HS6ST3: variants seen among roughly 807,000 people sequenced by gnomAD.
The protein encoded by HS6ST3 is heparan-sulfate 6-O-sulfotransferase 3.
A neutral mutation model predicts 36.7 loss-of-function variants in HS6ST3; 12 were observed. The observed-to-expected ratio is 0.33, with a 90% CI of 0.21 to 0.53. The LOEUF (loss-of-function observed/expected upper bound fraction) is 0.53, where lower values mean the gene tolerates loss of function less well. HS6ST3 is among the 20% of genes least tolerant of loss of function. The pLI is 0.95. For synonymous variants in HS6ST3, 240 were observed against 257.5 expected, an observed-to-expected ratio of 0.93 and a Z score of 0.65; for missense variants, 584 against 640.9, an observed-to-expected ratio of 0.91 and a Z score of 0.96.
intron 1 of HS6ST3, among the ~76,000 whole-genome samples, chr13:96,240,689 A>T (rs1355533650): frequency 6.6e-6 from 1 of 152,214 alleles, no homozygotes; most frequent in East Asian, 1.9e-4. Flanking sequence ...CTAAGAAGAC[A>T]TTGGCAGTGC....
Position 96,755,021 on chromosome 13 carries a change from G to A in HS6ST3, c.708-77469G>A, listed in dbSNP as rs547012839. On this transcript the variant is annotated intron_variant, in intron 1 of 1. Transcript: ENST00000376705. ...TAATTTTTTTTTAAATTACACTAAT[G>A]TTAGGACTGTGAGATGCACAGATCT... Among the ~76,000 whole-genome samples, 5 of 151,708 alleles carry A rather than the reference G, an allele frequency of 3.3e-5. No homozygotes were observed. The East Asian group carries it at 7.8e-4, about 24-fold the overall frequency.
intron 1 of HS6ST3, among the ~76,000 whole-genome samples, chr13:96,508,452 G>A (rs570892651): frequency 9.2e-5 from 14 of 152,040 alleles, no homozygotes; most frequent in East Asian, 3.9e-4. Flanking sequence ...GGTGAATTCC[G>A]AAATTTTAGG....
intron 1 of HS6ST3, among the ~76,000 whole-genome samples, chr13:96,340,133 T>A (rs1288863099): frequency 1.3e-5 from 2 of 152,220 alleles, no homozygotes; most frequent in Non-Finnish European, 2.9e-5. Context: ...TTGGAAATAG[T>A]TTATCTTTTA....
chr13:96,551,301 A>T (rs1312779048), intron 1 of HS6ST3, among the ~76,000 whole-genome samples: 1 of 152,174 alleles, frequency 6.6e-6, no homozygotes, highest in Non-Finnish European at 1.5e-5. Flanking sequence ...CAGTGCTTGG[A>T]TGTCCTTCTA....
intron 1 of HS6ST3, among the ~76,000 whole-genome samples, chr13:96,366,758 C>A (rs2055265062): frequency 6.6e-6 from 1 of 152,112 alleles, no homozygotes; most frequent in Admixed American, 6.5e-5. Context: ...TTGGCTGTGT[C>A]CCCACCCAAA....
At chr13:96,500,870 G>C (rs987447293) in intron 1 of HS6ST3, among the ~76,000 whole-genome samples, 4 of 152,146 alleles carry the variant, frequency 2.6e-5, no homozygotes, top group Admixed American at 1.3e-4. Flanking sequence ...ACTGTAGTTG[G>C]CTTGCAAAGA....
intron 1 of HS6ST3, among the ~76,000 whole-genome samples, chr13:96,658,586 T>TATC (rs2056635418): frequency 6.6e-6 from 1 of 151,756 alleles, no homozygotes; most frequent in Admixed American, 6.6e-5. Flanking sequence ...CCTGGCCGTA[T>TATC]CTTTCTTCTA....
chr13:96,697,821 G>T (rs1875171981), intron 1 of HS6ST3, among the ~76,000 whole-genome samples: 1 of 152,020 alleles, frequency 6.6e-6, no homozygotes, highest in South Asian at 2.1e-4. Context: ...GCTCAATTAG[G>T]CCTTCAAGAT....
At chr13:96,105,787 A>G (rs1278548159) in intron 1 of HS6ST3, among the ~76,000 whole-genome samples, 1 of 152,266 alleles carries the variant, frequency 6.6e-6, no homozygotes, top group African/African-American at 2.4e-5. Flanking sequence ...GCTTGTACAT[A>G]GCCCAATACC....
At chr13:96,354,978 C>T (rs1385813879) in intron 1 of HS6ST3, among the ~76,000 whole-genome samples, 1 of 152,086 alleles carries the variant, frequency 6.6e-6, no homozygotes, top group Non-Finnish European at 1.5e-5. Context: ...AAATGAAATT[C>T]CATTGAATAT....
chr13:96,239,682 G>A (rs1429967786), intron 1 of HS6ST3, among the ~76,000 whole-genome samples: 2 of 152,186 alleles, frequency 1.3e-5, no homozygotes, highest in Non-Finnish European at 2.9e-5. Flanking sequence ...CACACAAAGA[G>A]TTTATATATA....
At chr13:96,674,122 A>G (rs2138433096) in intron 1 of HS6ST3, among the ~76,000 whole-genome samples, 1 of 152,248 alleles carries the variant, frequency 6.6e-6, no homozygotes, top group African/African-American at 2.4e-5. Context: ...TGACTGGATC[A>G]TGGGTGTGGC....
At chr13:96,349,123 T>C (rs375757751) in intron 1 of HS6ST3, among the ~76,000 whole-genome samples, 2 of 152,356 alleles carry the variant, frequency 1.3e-5, no homozygotes, top group South Asian at 2.1e-4. Context: ...TACAATCCAA[T>C]GTTTGACTCT....
At chr13:96,438,025 T>A (rs2055651660) in intron 1 of HS6ST3, among the ~76,000 whole-genome samples, 1 of 152,198 alleles carries the variant, frequency 6.6e-6, no homozygotes, top group Admixed American at 6.5e-5. Context: ...GTGAACTCGC[T>A]GGGGGACATT....
intron 1 of HS6ST3, among the ~76,000 whole-genome samples, chr13:96,829,773 T>A (rs1878734167): frequency 6.6e-6 from 1 of 152,226 alleles, no homozygotes; most frequent in Admixed American, 6.5e-5. Context: ...TGATTCCATG[T>A]CTTTGCTATC....
intron 1 of HS6ST3, among the ~76,000 whole-genome samples, chr13:96,484,801 A>G (rs758227876): frequency 1.3e-5 from 2 of 152,218 alleles, no homozygotes; most frequent in Non-Finnish European, 2.9e-5. Context: ...TAATGCTGCA[A>G]TGAACATGGG....
chr13:96,600,912 C>T (rs1724560436), intron 1 of HS6ST3, among the ~76,000 whole-genome samples: 1 of 151,912 alleles, frequency 6.6e-6, no homozygotes, highest in African/African-American at 2.4e-5. Flanking sequence ...TTTGTTTCTC[C>T]TTCATTTGTG....
At chr13:96,280,796 T>C (rs1478274411) in intron 1 of HS6ST3, among the ~76,000 whole-genome samples, 1 of 152,130 alleles carries the variant, frequency 6.6e-6, no homozygotes, top group Non-Finnish European at 1.5e-5. Context: ...CAACAGTTAA[T>C]ATTGCAACAG....
chr13:96,254,224 G>A (rs892994511), intron 1 of HS6ST3, among the ~76,000 whole-genome samples: 2 of 151,374 alleles, frequency 1.3e-5, no homozygotes, highest in South Asian at 2.1e-4. Flanking sequence ...GATCAGCCTG[G>A]CCAACATGGT....
Sources: allele counts gnomAD v4.1 joint callset (sites outside exome capture counted in the v4.1 genomes callset), GRCh38; gene constraint gnomAD v4.1.1; transcripts MANE v1.5; gene names NCBI Gene and HGNC (gene_info 2026-07-23, HGNC 2026-07-21).